Variants in POPDC1 observed in about 807,000 individuals in gnomAD.
POPDC1 encodes popeye domain cAMP effector 1, also known as popeye domain-containing protein 1.
the POPDC1 span, among the ~76,000 whole-genome samples, chr6:105,107,656 G>A: frequency 4.6e-5 from 7 of 152,082 alleles, no homozygotes; most frequent in East Asian, 1.9e-4. Flanking sequence ...CTTTAATGAC[G>A]TTTTCTCCAT....
chr6:105,097,670 T>C, the POPDC1 span: 1 of 152,234 alleles, frequency 6.6e-6, no homozygotes, highest in Admixed American at 6.5e-5. Context: ...GGAGCTGACA[T>C]GGAGGAATCT....
At chr6:105,119,178 C>A in the POPDC1 span, among the ~76,000 whole-genome samples, 1 of 113,304 alleles carries the variant, frequency 8.8e-6, no homozygotes, top group African/African-American at 3.2e-5. Flanking sequence ...GAGTGAGACT[C>A]CCTCTCAAAA....
the POPDC1 span, among the ~76,000 whole-genome samples, chr6:105,108,215 G>A: frequency 1.2e-4 from 18 of 152,208 alleles, no homozygotes; most frequent in African/African-American, 3.6e-4. Context: ...CAGGGTAGAG[G>A]AGAAGGTGAA....
the POPDC1 span, chr6:105,101,280 C>A: frequency 2.1e-6 from 3 of 1,417,602 alleles, no homozygotes; most frequent in South Asian, 3.4e-5. Context: ...TGTGATATAT[C>A]AATTATAAAT....
At chr6:105,121,515 G>A in the POPDC1 span, among the ~76,000 whole-genome samples, 17 of 152,092 alleles carry the variant, frequency 1.1e-4, no homozygotes, top group African/African-American at 3.9e-4. Flanking sequence ...TGATCCACCC[G>A]CCTCAGCCTC....
chr6:105,111,612 A>C, the POPDC1 span, among the ~76,000 whole-genome samples: 1 of 152,354 alleles, frequency 6.6e-6, no homozygotes, highest in South Asian at 2.1e-4. Flanking sequence ...TGAACTACTG[A>C]ATAAACAGAG....
chr6:105,133,537 G>A, the POPDC1 span: 4 of 1,613,582 alleles, frequency 2.5e-6, no homozygotes, highest in Admixed American at 1.7e-5. Context: ...AAAACCTATG[G>A]CAGTTGATTC....
chr6:105,116,125 A>G, the POPDC1 span, among the ~76,000 whole-genome samples: 1 of 152,340 alleles, frequency 6.6e-6, no homozygotes, highest in South Asian at 2.1e-4. Context: ...GAAAGGGCAC[A>G]TATACTCAAT....
chr6:105,125,140 C>T, the POPDC1 span, among the ~76,000 whole-genome samples: 7 of 152,242 alleles, frequency 4.6e-5, no homozygotes, highest in East Asian at 1.2e-3. Context: ...TTTAATAAAA[C>T]GTCAAAAATG....
the POPDC1 span, among the ~76,000 whole-genome samples, chr6:105,132,060 G>C: frequency 3.6e-4 from 54 of 151,808 alleles, no homozygotes; most frequent in Admixed American, 1.2e-3. Flanking sequence ...CTGTCTCCGG[G>C]GTTCAAGCAA....
the POPDC1 span, among the ~76,000 whole-genome samples, chr6:105,114,583 A>G: frequency 6.6e-6 from 1 of 152,246 alleles, no homozygotes; most frequent in East Asian, 1.9e-4. Flanking sequence ...ATAGTTTTTA[A>G]TTCATGCAAT....
the POPDC1 span, among the ~76,000 whole-genome samples, chr6:105,121,576 T>C: frequency 6.6e-6 from 1 of 152,174 alleles, no homozygotes; most frequent in African/African-American, 2.4e-5. Context: ...CCTACTTTCA[T>C]CTTTTGTAAT....
the POPDC1 span, among the ~76,000 whole-genome samples, chr6:105,128,974 A>G: frequency 2.0e-3 from 311 of 152,312 alleles, no homozygotes; most frequent in African/African-American, 7.0e-3. Context: ...TTAGAAAAAT[A>G]TACAGTTATT....
the POPDC1 span, among the ~76,000 whole-genome samples, chr6:105,103,454 T>C: frequency 1.3e-5 from 2 of 151,974 alleles, no homozygotes; most frequent in South Asian, 4.2e-4. Flanking sequence ...CTCTTGAGTG[T>C]GGCAAAATTG....
At chr6:105,131,479 C>G in the POPDC1 span, among the ~76,000 whole-genome samples, 2 of 152,028 alleles carry the variant, frequency 1.3e-5, no homozygotes, top group Admixed American at 1.3e-4. Flanking sequence ...CTCTGTCGCC[C>G]AGGCTGGAGT....
At chr6:105,114,570 T>G in the POPDC1 span, among the ~76,000 whole-genome samples, 1 of 152,266 alleles carries the variant, frequency 6.6e-6, no homozygotes, top group African/African-American at 2.4e-5. Flanking sequence ...ATTGGAAATA[T>G]GAATAGTTTT....
the POPDC1 span, among the ~76,000 whole-genome samples, chr6:105,126,236 T>A: frequency 0.012 from 1,545 of 126,354 alleles, 9 homozygotes; most frequent in Middle Eastern, 0.035. Context: ...CAAAAAAAAA[T>A]AAAAATAAAA....
the POPDC1 span, among the ~76,000 whole-genome samples, chr6:105,116,396 G>T: frequency 6.6e-6 from 1 of 152,062 alleles, no homozygotes; most frequent in Non-Finnish European, 1.5e-5. Context: ...ACCTCCAGCT[G>T]CCCTGTCCTC....
chr6:105,132,419 C>A, the POPDC1 span, among the ~76,000 whole-genome samples: 1 of 152,102 alleles, frequency 6.6e-6, no homozygotes, highest in African/African-American at 2.4e-5. Context: ...ACCTCCTCAG[C>A]GGGACCCTGC....
Sources: gnomAD v4.1 joint callset for allele counts (sites outside exome capture counted in the v4.1 genomes callset) on GRCh38, gnomAD v4.1.1 for gene constraint, MANE v1.5 for transcripts, NCBI Gene and HGNC (gene_info 2026-07-23, HGNC 2026-07-21) for gene names.